MYRFL: variants seen among roughly 807,000 people sequenced by gnomAD.
MYRFL encodes the protein myelin regulatory factor-like protein.
A neutral mutation model predicts 109.4 loss-of-function variants in MYRFL; 88 were observed. The observed-to-expected ratio is 0.80, with a 90% CI of 0.68 to 0.96. The LOEUF is 0.96. MYRFL is among the 40% of genes least tolerant of loss of function. MYRFL has a pLI of 0.00. For missense variants in MYRFL, 957 were observed against 954.9 expected, an observed-to-expected ratio of 1.00 and a Z score of -0.03; for synonymous variants, 324 against 320.9, an observed-to-expected ratio of 1.01 and a Z score of -0.10.
chr12:69,841,855 G>T (rs548215291), intron 1 of MYRFL, among the ~76,000 whole-genome samples: 1 of 152,276 alleles, frequency 6.6e-6, no homozygotes, highest in South Asian at 2.1e-4. Context: ...GTAATGACAA[G>T]GGGTAGAATT....
chr12:69,910,181 T>C (rs1954511947), intron 12 of MYRFL, 104 bp downstream of exon 12: 1 of 737,866 alleles, frequency 1.4e-6, no homozygotes, highest in Non-Finnish European at 2.1e-6. Flanking sequence ...CAACGCTATG[T>C]TGATCTAACT....
At chr12:69,859,046 T>TAA (rs1054531903) in intron 2 of MYRFL, among the ~76,000 whole-genome samples, 1 of 151,632 alleles carries the variant, frequency 6.6e-6, no homozygotes, top group African/African-American at 2.4e-5. Context: ...TATATATATA[T>TAA]TTTTTTCAGT....
intron 6 of MYRFL, among the ~76,000 whole-genome samples, chr12:69,890,746 T>A (rs756445637): frequency 2.0e-5 from 3 of 152,124 alleles, no homozygotes; most frequent in African/African-American, 7.2e-5. Context: ...AAAAGAAAGA[T>A]TGTACTTCTT....
intron 11 of MYRFL, among the ~76,000 whole-genome samples, chr12:69,907,846 A>G (rs896036056): frequency 1.3e-5 from 2 of 152,186 alleles, no homozygotes; most frequent in Non-Finnish European, 2.9e-5. Flanking sequence ...TCTGGCACAT[A>G]GTAGCTACTC....
intron 1 of MYRFL, among the ~76,000 whole-genome samples, chr12:69,849,072 A>G (rs141948352): frequency 1.2e-3 from 181 of 152,278 alleles, no homozygotes; most frequent in African/African-American, 4.2e-3. Context: ...GGGTTTCACC[A>G]TGTTTGCCAG....
At chr12:69,857,763 T>C (rs556816085) in intron 2 of MYRFL, among the ~76,000 whole-genome samples, 1 of 151,946 alleles carries the variant, frequency 6.6e-6, no homozygotes, top group African/African-American at 2.4e-5. Flanking sequence ...TTTTAAAATA[T>C]ATATTTCTTG....
chr12:69,924,092 G>A (rs1306769889), intron 13 of MYRFL, among the ~76,000 whole-genome samples: 1 of 151,396 alleles, frequency 6.6e-6, no homozygotes, highest in Non-Finnish European at 1.5e-5. Context: ...AGGAGGCTGA[G>A]GCAAGAGAAT....
intron 11 of MYRFL, among the ~76,000 whole-genome samples, chr12:69,906,970 A>G (rs1954383169): frequency 6.6e-6 from 1 of 152,240 alleles, no homozygotes; most frequent in Non-Finnish European, 1.5e-5. Flanking sequence ...TCTGTGGGCA[A>G]GGTCAAAGCA....
intron 13 of MYRFL, among the ~76,000 whole-genome samples, chr12:69,924,843 T>C (rs565784226): frequency 1.4e-3 from 211 of 152,360 alleles, no homozygotes; most frequent in Middle Eastern, 6.8e-3. Flanking sequence ...AATCAAGCTT[T>C]TGGTCATTTT....
At chr12:69,934,400 G>A (rs943153891) in intron 16 of MYRFL, among the ~76,000 whole-genome samples, 1 of 152,222 alleles carries the variant, frequency 6.6e-6, no homozygotes, top group East Asian at 1.9e-4. Flanking sequence ...CAGAGGGGGT[G>A]TTAGGGTGCT....
At chr12:69,883,559 G>C (rs1886258291) in intron 5 of MYRFL, among the ~76,000 whole-genome samples, 1 of 152,212 alleles carries the variant, frequency 6.6e-6, no homozygotes, top group Middle Eastern at 3.4e-3. Context: ...TAAACATACT[G>C]TTGGGCAAAA....
intron 1 of MYRFL, among the ~76,000 whole-genome samples, chr12:69,836,059 G>T (rs1882920109): frequency 6.6e-6 from 1 of 152,210 alleles, no homozygotes; most frequent in African/African-American, 2.4e-5. Context: ...GAGAATGAGT[G>T]CAAGGTTTTA....
intron 19 of MYRFL, among the ~76,000 whole-genome samples, chr12:69,951,849 C>T (rs905865051): frequency 1.3e-5 from 2 of 152,210 alleles, no homozygotes; most frequent in Admixed American, 1.3e-4. Context: ...TTCTGAGGTA[C>T]TGGGGGATAA....
At chr12:69,886,713 A>G in intron 5 of MYRFL, 107 bp from the exon 6 acceptor site, 1 of 1,316,852 alleles carries the variant, frequency 7.6e-7, no homozygotes, top group South Asian at 1.4e-5. Context: ...ACACTTCCCT[A>G]GTCACTCTGC....
At chr12:69,917,669 A>C (rs897315127) in intron 13 of MYRFL, among the ~76,000 whole-genome samples, 1 of 152,080 alleles carries the variant, frequency 6.6e-6, no homozygotes, top group African/African-American at 2.4e-5. Context: ...CTAGACTGTG[A>C]GACTCCTGAG....
intron 3 of MYRFL, 43 bp from the exon 4 acceptor site, chr12:69,879,152 G>A (rs769522180): frequency 1.5e-6 from 1 of 654,110 alleles, no homozygotes; most frequent in South Asian, 1.6e-5. Context: ...CCTCGACTCT[G>A]GGCCGTGAGA....
intron 19 of MYRFL, among the ~76,000 whole-genome samples, chr12:69,939,356 G>T (rs576504191): frequency 1.3e-5 from 2 of 152,116 alleles, no homozygotes; most frequent in Non-Finnish European, 2.9e-5. Context: ...AGAACGGGCA[G>T]ACTGCCTCCT....
chr12:69,886,812 C>A lies in MYRFL; in HGVS notation c.557-8C>A. ...AAGGAAGGCTCTGACGCACCTGTTT[C>A]TTTGCAGTGACAAGTAGGAGTCGCA... On this transcript the variant is annotated splice_region_variant and splice_polypyrimidine_tract_variant and intron_variant, in intron 5 of 24. Transcript: ENST00000552032. 2 of 1,535,740 alleles carry A rather than the reference C, an allele frequency of 1.3e-6. No individual in the cohort carries two copies. Among genetic ancestry groups the A allele is most frequent in the Non-Finnish European group, 1.7e-6 (2 of 1,146,692 alleles).
At chr12:69,921,302 C>G (rs760914634) in intron 13 of MYRFL, among the ~76,000 whole-genome samples, 10 of 152,082 alleles carry the variant, frequency 6.6e-5, no homozygotes, top group Non-Finnish European at 1.3e-4. Context: ...CCTGGCCTCC[C>G]AAAGTGCTGG....
Sources: allele counts gnomAD v4.1 joint callset (sites outside exome capture counted in the v4.1 genomes callset), GRCh38; gene constraint gnomAD v4.1.1; transcripts MANE v1.5; gene names NCBI Gene and HGNC (gene_info 2026-07-23, HGNC 2026-07-21).